TBC1D20: variants seen among roughly 807,000 people sequenced by gnomAD.
TBC1D20 encodes the protein chromosome 20 open reading frame 140.
Under a neutral mutation model 41.6 loss-of-function variants are expected in TBC1D20, and 12 were observed. That is an observed-to-expected ratio of 0.29 (90% confidence interval 0.18 to 0.47). The LOEUF (loss-of-function observed/expected upper bound fraction) is 0.47, where lower values mean the gene tolerates loss of function less well. Ranked by LOEUF, TBC1D20 falls within the 20% of genes least tolerant of loss-of-function variation. The pLI, the probability that TBC1D20 is intolerant of heterozygous loss-of-function variation, is 1.00. For synonymous variants in TBC1D20, 205 were observed against 204.8 expected, an observed-to-expected ratio of 1.00 and a Z score of -0.01; for missense variants, 421 against 517.4, an observed-to-expected ratio of 0.81 and a Z score of 1.81.
In TBC1D20 at chr20:439,654, T is replaced by C. The variant is rs1400523077; in HGVS notation, c.769-359A>G. 6.6e-6 allele frequency among the ~76,000 whole-genome samples: 1 copy of C among 152,204 alleles called. No homozygotes were observed. Among genetic ancestry groups the C allele is most frequent in the African/African-American group, 2.4e-5 (1 of 41,446 alleles). On this transcript the variant is annotated intron_variant, in intron 6 of 7. Transcript: ENST00000354200. This position sits in a 1 kb window ranked among gnomAD's most constrained non-coding sequence, Gnocchi z 4.6. ...TTGGGAGATTCCTGGAGCTCCAGCA[T>C]AGAAGAAATGGTTCAAAACAGTAGA...
intron 1 of TBC1D20, 40 bp downstream of exon 1, chr20:462,296 C>T: frequency 2.4e-6 from 3 of 1,252,158 alleles, no homozygotes; most frequent in Non-Finnish European, 3.0e-6. Context: ...CCCGGGCCGC[C>T]CTCGCAGGCC....
chr20:453,153 CAAAAAAAAAAAAAA>C (rs71191943), intron 1 of TBC1D20, among the ~76,000 whole-genome samples: 43 of 44,858 alleles, frequency 9.6e-4, no homozygotes, highest in East Asian at 2.2e-3. Context: ...AACTCCGTTT[CAAAAAAAAAAAAAA>C]AAAAAAAAAA....
intron 3 of TBC1D20, among the ~76,000 whole-genome samples, chr20:443,515 C>T (rs756645022): frequency 1.3e-5 from 2 of 152,184 alleles, no homozygotes; most frequent in African/African-American, 4.8e-5. Context: ...CAAACTAAAC[C>T]GGACAAAGGA....
At chr20:441,390 C>A in intron 5 of TBC1D20, 198 bp downstream of exon 5, 1 of 582,346 alleles carries the variant, frequency 1.7e-6, no homozygotes, top group Non-Finnish European at 3.1e-6. Context: ...TGGGCTATGT[C>A]CCCCAAAGAG....
chr20:440,154 T>C, intron 6 of TBC1D20, 94 bp downstream of exon 6: 1 of 1,489,564 alleles, frequency 6.7e-7, no homozygotes, highest in Non-Finnish European at 9.0e-7. Context: ...GTCTTTTGCA[T>C]CTTTCCATAA....
chr20:437,160 T>C lies in TBC1D20; in HGVS notation c.*1426A>G, dbSNP rs776596565. ...AAATAAATAAAAATAAAGTGCTTAG[T>C]GTAACTCAGCGGACAGGGCTCCCAG... On this transcript the variant is annotated 3_prime_UTR_variant, in exon 8 of 8. Coordinates refer to ENST00000354200, the MANE Select transcript of TBC1D20 (RefSeq NM_144628.4). 3 of 152,502 alleles carry C rather than the reference T, an allele frequency of 2.0e-5. No individual in the cohort carries two copies. Among genetic ancestry groups the C allele is most frequent in the Admixed American group, 1.3e-4 (2 of 15,254 alleles). The allele number at this position is 152,502 out of a possible 1,614,324, so 9.4% of individuals were successfully genotyped here.
chr20:442,778 C>G (rs529064963), intron 3 of TBC1D20, among the ~76,000 whole-genome samples: 1 of 152,010 alleles, frequency 6.6e-6, no homozygotes. Context: ...ATGTGTAAAG[C>G]GAAGGAAAGA....
intron 1 of TBC1D20, among the ~76,000 whole-genome samples, chr20:455,727 G>A (rs902624452): frequency 3.3e-5 from 5 of 152,092 alleles, no homozygotes; most frequent in African/African-American, 7.2e-5. Flanking sequence ...GAGGTCAGGC[G>A]TTCGAGACCA....
chr20:442,104 G>A (rs529028515), intron 3 of TBC1D20, 61 bp from the exon 4 acceptor site: 29 of 1,405,224 alleles, frequency 2.1e-5, no homozygotes, highest in Middle Eastern at 2.6e-4. Context: ...CAAGGAGGTC[G>A]AAGAAGGCCA....
intron 1 of TBC1D20, among the ~76,000 whole-genome samples, chr20:460,413 A>G (rs1196103756): frequency 6.8e-6 from 1 of 148,070 alleles, no homozygotes; most frequent in Non-Finnish European, 1.5e-5. Flanking sequence ...AACCCGGGTG[A>G]CAGGGCAAGA....
At position 438,528 on chromosome 20, in the gene TBC1D20, T is replaced by A. The variant is rs2017160942; in HGVS notation, c.*58A>T. The A allele has an allele frequency of 6.4e-7, 1 of 1,566,036 alleles. No homozygotes were observed. Among genetic ancestry groups the A allele is most frequent in the South Asian group, 1.1e-5 (1 of 88,220 alleles). ...ATAAAGGAAATTCCACCCCTCCCAA[T>A]CCTTCCATGGAAGGGTGAGACCTTA... On this transcript the variant is annotated 3_prime_UTR_variant, in exon 8 of 8. Coordinates refer to ENST00000354200, the MANE Select transcript of TBC1D20 (RefSeq NM_144628.4).
At chr20:450,786 T>G (rs1358199672) in intron 1 of TBC1D20, 5 of 152,240 alleles carry the variant, frequency 3.3e-5, no homozygotes, top group Non-Finnish European at 7.3e-5. Flanking sequence ...ATAACTTTTT[T>G]GGGAAATTGG....
intron 1 of TBC1D20, among the ~76,000 whole-genome samples, chr20:458,389 C>A (rs2017577570): frequency 1.3e-5 from 2 of 151,548 alleles, no homozygotes; most frequent in South Asian, 4.2e-4. Context: ...TCATGGCTCA[C>A]TGCAGCCTCA....
intron 1 of TBC1D20, among the ~76,000 whole-genome samples, chr20:450,486 G>A (rs1349624242): frequency 1.3e-5 from 2 of 152,058 alleles, no homozygotes; most frequent in African/African-American, 2.4e-5. Context: ...AAGGGTACTT[G>A]GGTTTCCAGT....
rs115464662 is a variant in TBC1D20, at chr20:456,287, C to T, written c.70+6049G>A. ...TCCAATTTCTTCTGTCAGCATAACACCTAGTCAATTGTTCATGAGATGTGT... is the reference window on the plus strand; with the variant it reads ...TCCAATTTCTTCTGTCAGCATAACATCTAGTCAATTGTTCATGAGATGTGT... On this transcript the variant is annotated intron_variant, in intron 1 of 7. Coordinates refer to ENST00000354200, the MANE Select transcript of TBC1D20 (RefSeq NM_144628.4). Among the ~76,000 whole-genome samples, 618 of 152,286 alleles carry T rather than the reference C, an allele frequency of 4.1e-3. 2 individuals carry two copies. The highest frequency in any genetic ancestry group is 0.014 in the African/African-American group (578 of 41,566).
At chr20:445,525 A>T (rs1175826849) in intron 2 of TBC1D20, among the ~76,000 whole-genome samples, 1 of 148,224 alleles carries the variant, frequency 6.7e-6, no homozygotes, top group African/African-American at 2.6e-5. Context: ...GGAACAACAG[A>T]CCACTGAAAA....
chr20:456,757 G>A (rs2017547375), intron 1 of TBC1D20, among the ~76,000 whole-genome samples: 1 of 150,892 alleles, frequency 6.6e-6, no homozygotes, highest in South Asian at 2.1e-4. Flanking sequence ...GTGGAGACGG[G>A]GTTTTGCCAT....
At chr20:440,207 G>C in intron 6 of TBC1D20, 41 bp downstream of exon 6, 1 of 1,603,456 alleles carries the variant, frequency 6.2e-7, no homozygotes, top group Non-Finnish European at 8.5e-7. Flanking sequence ...AGTGGGATGG[G>C]TGATGGTGAA....
chr20:455,682 C>T (rs905688299), intron 1 of TBC1D20, among the ~76,000 whole-genome samples: 6 of 151,070 alleles, frequency 4.0e-5, no homozygotes, highest in Admixed American at 2.0e-4. Flanking sequence ...CCTGTAATCC[C>T]AGCACTTTGG....
Sources: allele counts gnomAD v4.1 joint callset (sites outside exome capture counted in the v4.1 genomes callset), GRCh38; gene constraint gnomAD v4.1.1; non-coding constraint Gnocchi (gnomAD v3.1); transcripts MANE v1.5; gene names NCBI Gene and HGNC (gene_info 2026-07-23, HGNC 2026-07-21).